The following INPP5A variants were observed in gnomAD, a reference collection of about 807,000 sequenced individuals.
INPP5A encodes the protein 43 kDa inositol polyphosphate 5-phophatase.
In INPP5A, 14 loss-of-function variants were observed where a neutral mutation model predicts 65.2. That is an observed-to-expected ratio of 0.21 (90% confidence interval 0.14 to 0.34). INPP5A has a LOEUF of 0.34. INPP5A is among the 10% of genes least tolerant of loss of function. The pLI is 1.00. For missense variants in INPP5A, 431 were observed against 545.6 expected (o/e 0.79, Z 2.09); for synonymous variants, 207 against 208.3 (o/e 0.99, Z 0.05).
At chr10:132,661,208 G>A (rs2072733408) in intron 4 of INPP5A, among the ~76,000 whole-genome samples, 1 of 152,214 alleles carries the variant, frequency 6.6e-6, no homozygotes, top group Non-Finnish European at 1.5e-5. Flanking sequence ...TGATGCTTGA[G>A]ATCAACTTTA....
intron 8 of INPP5A, among the ~76,000 whole-genome samples, chr10:132,722,908 T>G (rs1266664636): frequency 6.6e-6 from 1 of 152,260 alleles, no homozygotes; most frequent in Non-Finnish European, 1.5e-5. Context: ...ACAACTGTTT[T>G]TTTTTCTCCT....
chr10:132,606,032 C>T (rs372102722), intron 1 of INPP5A, among the ~76,000 whole-genome samples: 6 of 152,098 alleles, frequency 3.9e-5, no homozygotes, highest in Non-Finnish European at 7.4e-5. Context: ...GGCTGGAGCG[C>T]GTGTTACTGG....
chr10:132,589,616 G>C (rs1368118021), intron 1 of INPP5A, among the ~76,000 whole-genome samples: 1 of 152,250 alleles, frequency 6.6e-6, no homozygotes, highest in Non-Finnish European at 1.5e-5. Context: ...TGCACAGCTT[G>C]TGGGTCTTGT....
intron 9 of INPP5A, among the ~76,000 whole-genome samples, chr10:132,744,351 C>T (rs1441422961): frequency 6.6e-6 from 1 of 152,230 alleles, no homozygotes; most frequent in Non-Finnish European, 1.5e-5. Context: ...GGCCCTGCTC[C>T]CGCAGCAGAG....
At chr10:132,638,922 AT>A (rs1390961963) in intron 2 of INPP5A, among the ~76,000 whole-genome samples, 1 of 152,140 alleles carries the variant, frequency 6.6e-6, no homozygotes, top group Non-Finnish European at 1.5e-5. Context: ...TTTTCTCTCT[AT>A]ATAAGTTACA....
At chr10:132,597,778 G>A (rs1385110083) in intron 1 of INPP5A, among the ~76,000 whole-genome samples, 2 of 150,278 alleles carry the variant, frequency 1.3e-5, no homozygotes, top group Non-Finnish European at 3.0e-5. Context: ...CCCTGGGCCT[G>A]TGGTGCGTGT....
rs1399855906 is a variant in INPP5A at position 132,741,231 on chromosome 10, G to A, written c.733-8286G>A. Among the ~76,000 whole-genome samples the A allele has an allele frequency of 6.6e-6, 1 of 152,128 alleles. No homozygotes were observed. The highest frequency in any genetic ancestry group is 2.4e-5 in the African/African-American group (1 of 41,412). On this transcript the variant is annotated intron_variant, in intron 9 of 15. Transcript: ENST00000368594. This position sits in a 1 kb window ranked among gnomAD's most constrained non-coding sequence, Gnocchi z 4.4. ...ATCCTGGCCAACAGAGGAGGACCCTGTCTCAAAAACCTAAAAATAGAGATA... is the reference window on the plus strand; with the variant it reads ...ATCCTGGCCAACAGAGGAGGACCCTATCTCAAAAACCTAAAAATAGAGATA...
In INPP5A at chr10:132,650,581, A is replaced by G. The variant is rs2072561912; in HGVS notation, c.306+76A>G. On this transcript the variant is annotated intron_variant, in intron 4 of 15. Transcript: ENST00000368594. This position sits in a 1 kb window ranked among gnomAD's most constrained non-coding sequence, Gnocchi z 5.5. ...AGAAGCCAGCCCTTCTCCTGTGTAAATGGAGAGAGGTCGGGGTGCTCCCTG... is the reference window on the plus strand; with the variant it reads ...AGAAGCCAGCCCTTCTCCTGTGTAAGTGGAGAGAGGTCGGGGTGCTCCCTG... 9.5e-7 allele frequency: 1 copy of G among 1,058,154 alleles called. No individual in the cohort carries two copies. Among genetic ancestry groups the G allele is most frequent in the Admixed American group, 1.7e-5 (1 of 58,292 alleles). The allele number at this position is 1,058,154 out of a possible 1,614,324, so 65.5% of individuals were successfully genotyped here. A position where few individuals can be genotyped will look rare whatever the true frequency, so the allele number is the denominator to read the frequency against.
At chr10:132,725,906 G>A (rs1845976572) in intron 8 of INPP5A, among the ~76,000 whole-genome samples, 1 of 152,130 alleles carries the variant, frequency 6.6e-6, no homozygotes, top group African/African-American at 2.4e-5. Context: ...ACATGTTTCT[G>A]TTCCACTGAT....
intron 4 of INPP5A, among the ~76,000 whole-genome samples, chr10:132,666,069 A>AC (rs1309877101): frequency 1.3e-5 from 2 of 151,318 alleles, no homozygotes; most frequent in African/African-American, 4.9e-5. Context: ...AAAAAAAAAA[A>AC]AGAGAAGAAT....
chr10:132,572,838 T>C (rs937094228), intron 1 of INPP5A, among the ~76,000 whole-genome samples: 3 of 152,212 alleles, frequency 2.0e-5, no homozygotes, highest in African/African-American at 7.2e-5. Flanking sequence ...CTCTGCTGAT[T>C]GCTGAAATGC....
rs533232294 is a variant in INPP5A at position 132,564,449 on chromosome 10, C to T, written c.75+26278C>T. On this transcript the variant is annotated intron_variant, in intron 1 of 15. Transcript: ENST00000368594. Reference sequence around the variant, plus strand: ...TGGTTTTTCATGGTAGCCAGGGTCTCCCAGAGCCCCTGGCTGCCTCCCTGG... The same window carrying T: ...TGGTTTTTCATGGTAGCCAGGGTCTTCCAGAGCCCCTGGCTGCCTCCCTGG... Among the ~76,000 whole-genome samples, 7 of 152,152 alleles carry T rather than the reference C, an allele frequency of 4.6e-5. No individual in the cohort carries two copies. In the South Asian group the frequency reaches 1.5e-3, roughly 32 times the overall value.
intron 2 of INPP5A, among the ~76,000 whole-genome samples, chr10:132,645,477 G>A (rs953549926): frequency 5.9e-5 from 9 of 152,252 alleles, no homozygotes; most frequent in Non-Finnish European, 1.2e-4. Flanking sequence ...TGCTGGGGTT[G>A]TGCCTGGGTG....
At chr10:132,715,322 C>T (rs1410982639) in intron 8 of INPP5A, among the ~76,000 whole-genome samples, 1 of 152,196 alleles carries the variant, frequency 6.6e-6, no homozygotes, top group Non-Finnish European at 1.5e-5. Flanking sequence ...ATAAAGCACC[C>T]CTTTGTCCCC....
chr10:132,602,693 C>G (rs577212843), intron 1 of INPP5A, among the ~76,000 whole-genome samples: 1 of 152,178 alleles, frequency 6.6e-6, no homozygotes, highest in Non-Finnish European at 1.5e-5. Flanking sequence ...CGTTCCCATT[C>G]GGGTACCTTT....
intron 12 of INPP5A, among the ~76,000 whole-genome samples, chr10:132,774,233 C>T (rs563950805): frequency 3.3e-5 from 5 of 152,180 alleles, no homozygotes; most frequent in African/African-American, 1.2e-4. Flanking sequence ...CCAGCATTGC[C>T]AGTGGTGCCT....
intron 1 of INPP5A, among the ~76,000 whole-genome samples, chr10:132,578,857 G>A (rs1826932520): frequency 6.6e-6 from 1 of 152,148 alleles, no homozygotes; most frequent in African/African-American, 2.4e-5. Context: ...CCAGCAGAGG[G>A]GCTGCGGCCG....
At chr10:132,604,532 C>G (rs1034510201) in intron 1 of INPP5A, among the ~76,000 whole-genome samples, 1 of 152,202 alleles carries the variant, frequency 6.6e-6, no homozygotes, top group Non-Finnish European at 1.5e-5. Flanking sequence ...AAAGGGGTGT[C>G]TTAATCTTCC....
At chr10:132,661,131 G>A (rs2072731260) in intron 4 of INPP5A, among the ~76,000 whole-genome samples, 1 of 152,162 alleles carries the variant, frequency 6.6e-6, no homozygotes, top group South Asian at 2.1e-4. Flanking sequence ...TGTGTCCCCA[G>A]CTGCATGCTC....
Sources: gnomAD v4.1 joint callset for allele counts (sites outside exome capture counted in the v4.1 genomes callset) on GRCh38, gnomAD v4.1.1 for gene constraint, Gnocchi (gnomAD v3.1) non-coding constraint, MANE v1.5 for transcripts, NCBI Gene and HGNC (gene_info 2026-07-23, HGNC 2026-07-21) for gene names.